Variants in ERCC6L2 observed in about 807,000 individuals in gnomAD.
ERCC6L2 encodes DNA excision repair protein ERCC-6-like 2.
In ERCC6L2, 77 loss-of-function variants were observed where a neutral mutation model predicts 132.0. The ratio of observed to expected loss-of-function variants is 0.58; its 90% CI spans 0.49 to 0.71. The LOEUF is 0.71. ERCC6L2 is among the 30% of genes least tolerant of loss of function. The probability of loss-of-function intolerance (pLI) is 0.00; values close to 1 mark genes in which losing one functional copy is unlikely to be tolerated. For synonymous variants in ERCC6L2, 583 were observed against 632.4 expected, an observed-to-expected ratio of 0.92 and a Z score of 1.17; for missense variants, 1,542 against 1,837.6, an observed-to-expected ratio of 0.84 and a Z score of 2.94.
At chr9:95,971,853 C>T (rs763622181) in intron 15 of ERCC6L2, 80 bp from the exon 16 acceptor site, 5 of 924,158 alleles carry the variant, frequency 5.4e-6, no homozygotes, top group Non-Finnish European at 7.2e-6. Context: ...AAATTACCTG[C>T]CCAAAGTTGA....
At chr9:96,034,068 C>T (rs184180618) in intron 19 of ERCC6L2, among the ~76,000 whole-genome samples, 45 of 152,364 alleles carry the variant, frequency 3.0e-4, no homozygotes, top group African/African-American at 1.1e-3. Flanking sequence ...GAAACCTGGC[C>T]ATTCTCCCAG....
At chr9:95,932,474 A>G (rs1587930065) in intron 11 of ERCC6L2, among the ~76,000 whole-genome samples, 1 of 152,140 alleles carries the variant, frequency 6.6e-6, no homozygotes, top group East Asian at 1.9e-4. Context: ...TAGTCATTTC[A>G]TTCAGTTTAT....
chr9:95,950,447 CAT>C (rs1444463781), intron 12 of ERCC6L2, among the ~76,000 whole-genome samples: 1 of 151,938 alleles, frequency 6.6e-6, no homozygotes, highest in Non-Finnish European at 1.5e-5. Flanking sequence ...AGTTATAAGA[CAT>C]ATAGAAAATA....
intron 17 of ERCC6L2, among the ~76,000 whole-genome samples, chr9:95,989,535 A>T (rs1275823270): frequency 6.6e-6 from 1 of 152,388 alleles, no homozygotes; most frequent in East Asian, 1.9e-4. Context: ...CCTATCGGGC[A>T]TGAGTCAGGA....
At chr9:95,976,282 C>T (rs1832668057) in intron 16 of ERCC6L2, among the ~76,000 whole-genome samples, 3 of 152,228 alleles carry the variant, frequency 2.0e-5, no homozygotes, top group South Asian at 4.1e-4. Flanking sequence ...TATTTTGATT[C>T]TCTCCCAGCA....
Position 96,013,372 on chromosome 9 carries a change from G to T in ERCC6L2, c.*169G>T. The T allele has an allele frequency of 2.4e-6, 1 of 420,674 alleles. No homozygotes were observed. The allele number at this position is 420,674 out of a possible 1,614,324, so 26.1% of individuals were successfully genotyped here. On this transcript the variant is annotated 3_prime_UTR_variant, in exon 19 of 19. Coordinates refer to ENST00000653738, the MANE Select transcript of ERCC6L2 (RefSeq NM_020207.7). ...GTATTGTCATGGATCTGTTTTTCTT[G>T]ATATTTGATTTGATCTTTCAAGAAT...
Position 95,916,398 on chromosome 9 carries a change from T to A in ERCC6L2, c.1122T>A (p.Thr374=). The change falls in exon 6 of 19, where the codon ACT becomes ACA. Residue 374 remains threonine (T), a synonymous_variant. Coordinates refer to ENST00000653738, the MANE Select transcript of ERCC6L2 (RefSeq NM_020207.7). ...MSGWFLRRTK[T]LIKDQLPKKE... is the part of the protein sequence containing the mutation. ...GCTGGTTTCTCAGGCGCACCAAGAC[T>A]CTTATCAAGGATCAGTTGCCTAAGA... 1 of 1,592,496 alleles carries A rather than the reference T, an allele frequency of 6.3e-7. No homozygotes were observed. Among genetic ancestry groups the A allele is most frequent in the African/African-American group, 1.4e-5 (1 of 73,558 alleles).
chr9:96,000,756 G>A (rs1833639877), intron 17 of ERCC6L2, among the ~76,000 whole-genome samples: 1 of 152,266 alleles, frequency 6.6e-6, no homozygotes, highest in South Asian at 2.1e-4. Flanking sequence ...ATGCCAATCT[G>A]GGCGACATAG....
intron 16 of ERCC6L2, among the ~76,000 whole-genome samples, chr9:95,976,956 T>C (rs1324404566): frequency 6.6e-6 from 1 of 152,234 alleles, no homozygotes; most frequent in Non-Finnish European, 1.5e-5. Context: ...TAATTATGAT[T>C]TATATCTTGG....
intron 18 of ERCC6L2, 32 bp downstream of exon 18, chr9:96,004,733 G>A (rs1833807056): frequency 2.4e-6 from 3 of 1,253,574 alleles, no homozygotes; most frequent in Non-Finnish European, 3.2e-6. Context: ...TATACTTGAA[G>A]AATAATTCTC....
intron 19 of ERCC6L2, among the ~76,000 whole-genome samples, chr9:96,028,512 G>A (rs1394885129): frequency 6.6e-6 from 1 of 152,194 alleles, no homozygotes; most frequent in Non-Finnish European, 1.5e-5. Context: ...ACGCAACAGA[G>A]GTAGGAACCC....
intron 11 of ERCC6L2, among the ~76,000 whole-genome samples, chr9:95,933,551 G>C (rs979995962): frequency 6.6e-6 from 1 of 151,990 alleles, no homozygotes; most frequent in Non-Finnish European, 1.5e-5. Context: ...GCTTATAGAA[G>C]TCTTCAGAAC....
At chr9:95,950,794 A>C (rs193097733) in intron 12 of ERCC6L2, among the ~76,000 whole-genome samples, 514 of 152,352 alleles carry the variant, frequency 3.4e-3, no homozygotes, top group Non-Finnish European at 6.1e-3. Context: ...AATTATATAC[A>C]TAAATTCAAC....
intron 19 of ERCC6L2, among the ~76,000 whole-genome samples, chr9:96,034,004 G>A (rs905089720): frequency 1.3e-5 from 2 of 152,218 alleles, no homozygotes; most frequent in African/African-American, 4.8e-5. Flanking sequence ...AAGGTGCTCC[G>A]GGTGGCTGCC....
intron 4 of ERCC6L2, among the ~76,000 whole-genome samples, chr9:95,914,038 C>CTAAGTATA: frequency 6.6e-6 from 1 of 152,268 alleles, no homozygotes; most frequent in South Asian, 2.1e-4. Context: ...AGGTCTTATG[C>CTAAGTATA]TAAGTATATG....
intron 17 of ERCC6L2, among the ~76,000 whole-genome samples, chr9:96,001,117 G>A (rs1454969614): frequency 3.9e-5 from 6 of 152,236 alleles, no homozygotes; most frequent in South Asian, 2.1e-4. Context: ...TCGTGGTCTC[G>A]CTGGGCTCAG....
chr9:95,957,623 C>T (rs147514726), intron 13 of ERCC6L2, among the ~76,000 whole-genome samples: 25 of 151,828 alleles, frequency 1.6e-4, no homozygotes, highest in Admixed American at 3.9e-4. Context: ...CCTATTCATG[C>T]GACTCATTTA....
In ERCC6L2 at chr9:95,889,504, TTTAA is replaced by T. The variant is rs775778900; in HGVS notation, c.471+8216_471+8219del. Among the ~76,000 whole-genome samples the T allele has an allele frequency of 1.4e-4, 22 of 152,226 alleles. No homozygotes were observed. In the East Asian group the frequency reaches 1.7e-3, roughly 12 times the overall value. ...GTGTGCATGTGTGTATCTTTAATTC[TTTAA>T]TTAAGGTACACTTAAACTGTAAAAT... is the stretch of plus-strand genomic sequence containing the variant. On this transcript the variant is annotated intron_variant, in intron 2 of 18. Transcript: ENST00000653738.
chr9:96,003,688 C>G (rs1206874944), intron 17 of ERCC6L2, among the ~76,000 whole-genome samples: 3 of 152,200 alleles, frequency 2.0e-5, no homozygotes, highest in African/African-American at 4.8e-5. Context: ...TCCTACCCTA[C>G]TAGGGCTGCT....
Sources: gnomAD v4.1 joint callset for allele counts (sites outside exome capture counted in the v4.1 genomes callset) on GRCh38, gnomAD v4.1.1 for gene constraint, MANE v1.5 for transcripts, NCBI Gene and HGNC (gene_info 2026-07-23, HGNC 2026-07-21) for gene names.